The following CNTN5 variants were observed in gnomAD, a reference collection of about 807,000 sequenced individuals.
The protein encoded by CNTN5 is contactin 5.
CNTN5 carries 77 observed loss-of-function variants against 129.1 expected under a neutral mutation model. The ratio of observed to expected loss-of-function variants is 0.60; its 90% CI spans 0.50 to 0.72. The LOEUF is 0.72. CNTN5 is among the 30% of genes least tolerant of loss of function. The pLI, the probability that CNTN5 is intolerant of heterozygous loss-of-function variation, is 0.00. For missense variants in CNTN5, 1,478 were observed against 1,328.8 expected (o/e 1.11, Z -1.75); for synonymous variants, 509 against 465.6 (o/e 1.09, Z -1.20).
At chr11:100,112,285 T>G (rs1443346266) in intron 13 of CNTN5, among the ~76,000 whole-genome samples, 5 of 152,146 alleles carry the variant, frequency 3.3e-5, no homozygotes, top group African/African-American at 1.2e-4. Context: ...TGACCTTCAA[T>G]GAACATGTTG....
intron 13 of CNTN5, among the ~76,000 whole-genome samples, chr11:100,093,983 G>T (rs759610505): frequency 8.5e-5 from 13 of 152,052 alleles, no homozygotes; most frequent in Non-Finnish European, 1.3e-4. Context: ...AAATTATGCA[G>T]GTTATTCATA....
At position 99,163,346 on chromosome 11, in the gene CNTN5, T is replaced by G. The variant is rs560048568; in HGVS notation, c.-210+142076T>G. ...TCTAAGGCCTTAACAAAGCTACTCCTTTTGGTTGAATTAGATACTAGTAAA... is the reference window on the plus strand; with the variant it reads ...TCTAAGGCCTTAACAAAGCTACTCCGTTTGGTTGAATTAGATACTAGTAAA... On this transcript the variant is annotated intron_variant, in intron 1 of 24. Transcript: ENST00000524871. 4.8e-3 allele frequency among the ~76,000 whole-genome samples: 725 copies of G among 152,174 alleles called. 3 individuals carry two copies. Among genetic ancestry groups the G allele is most frequent in the Non-Finnish European group, 5.8e-3 (394 of 67,974 alleles).
At chr11:99,600,323 T>C (rs1399635036) in intron 3 of CNTN5, among the ~76,000 whole-genome samples, 1 of 152,208 alleles carries the variant, frequency 6.6e-6, no homozygotes, top group Non-Finnish European at 1.5e-5. Context: ...AAGACCAGCG[T>C]AGAAGGTTCA....
intron 16 of CNTN5, among the ~76,000 whole-genome samples, chr11:100,236,382 A>C (rs1206583635): frequency 1.3e-5 from 2 of 152,072 alleles, no homozygotes; most frequent in Non-Finnish European, 2.9e-5. Context: ...CTGGCCCCTC[A>C]TGAAGTTTCC....
At chr11:99,378,191 T>C (rs1243938711) in intron 2 of CNTN5, among the ~76,000 whole-genome samples, 3 of 152,142 alleles carry the variant, frequency 2.0e-5, no homozygotes, top group African/African-American at 7.2e-5. Flanking sequence ...GGACTCGTGG[T>C]CTTCTGAAAT....
At chr11:99,862,942 ATG>A (rs1948253549) in intron 6 of CNTN5, among the ~76,000 whole-genome samples, 1 of 152,082 alleles carries the variant, frequency 6.6e-6, no homozygotes, top group South Asian at 2.1e-4. Context: ...GTGTATATAT[ATG>A]TGTGTGTTTG....
chr11:99,549,572 A>G (rs80042795), intron 2 of CNTN5, among the ~76,000 whole-genome samples: 1 of 152,236 alleles, frequency 6.6e-6, no homozygotes, highest in East Asian at 1.9e-4. Flanking sequence ...TAAGTAGTTC[A>G]CTGAGGCATT....
intron 2 of CNTN5, among the ~76,000 whole-genome samples, chr11:99,349,791 T>C (rs891358538): frequency 6.6e-6 from 1 of 152,174 alleles, no homozygotes; most frequent in African/African-American, 2.4e-5. Flanking sequence ...GAAGGATGGA[T>C]AAGAATGTGA....
At chr11:99,509,740 A>C (rs1946763717) in intron 2 of CNTN5, among the ~76,000 whole-genome samples, 1 of 151,724 alleles carries the variant, frequency 6.6e-6, no homozygotes, top group Non-Finnish European at 1.5e-5. Flanking sequence ...TTTACTGAGA[A>C]AAAAAGAGAT....
At chr11:99,934,298 C>T (rs1950257963) in intron 7 of CNTN5, among the ~76,000 whole-genome samples, 1 of 152,068 alleles carries the variant, frequency 6.6e-6, no homozygotes, top group Non-Finnish European at 1.5e-5. Context: ...TTTTTCTTAA[C>T]CCAGAGTTCA....
intron 2 of CNTN5, among the ~76,000 whole-genome samples, chr11:99,539,960 A>G (rs1948041267): frequency 6.6e-6 from 1 of 152,048 alleles, no homozygotes; most frequent in African/African-American, 2.4e-5. Context: ...TTCTTTTGTG[A>G]AAGTGTTGAA....
chr11:99,561,032 C>T (rs1445136672), intron 3 of CNTN5, among the ~76,000 whole-genome samples: 1 of 152,170 alleles, frequency 6.6e-6, no homozygotes, highest in Non-Finnish European at 1.5e-5. Flanking sequence ...ATCAACATTT[C>T]GGTTTCTAAT....
chr11:99,381,735 C>T (rs1940573508), intron 2 of CNTN5, among the ~76,000 whole-genome samples: 1 of 152,126 alleles, frequency 6.6e-6, no homozygotes, highest in African/African-American at 2.4e-5. Context: ...ATTAATGAAT[C>T]TAACAATTTT....
intron 1 of CNTN5, among the ~76,000 whole-genome samples, chr11:99,115,284 C>T (rs981419946): frequency 6.6e-6 from 1 of 152,100 alleles, no homozygotes; most frequent in Non-Finnish European, 1.5e-5. Flanking sequence ...ATTTCCATTT[C>T]TTCATTTGTG....
intron 3 of CNTN5, among the ~76,000 whole-genome samples, chr11:99,795,496 G>T (rs987311634): frequency 1.1e-4 from 16 of 152,040 alleles, no homozygotes; most frequent in African/African-American, 3.9e-4. Flanking sequence ...GGAGAACTCT[G>T]CCTTAGTGAG....
At chr11:99,135,693 A>G (rs1179692359) in intron 1 of CNTN5, among the ~76,000 whole-genome samples, 1 of 152,188 alleles carries the variant, frequency 6.6e-6, no homozygotes, top group Admixed American at 6.5e-5. Context: ...GCTCAATGAA[A>G]GTAATTGCAT....
chr11:99,156,118 T>A (rs1449155575), intron 1 of CNTN5, among the ~76,000 whole-genome samples: 1 of 152,010 alleles, frequency 6.6e-6, no homozygotes, highest in Non-Finnish European at 1.5e-5. Context: ...ATAAAATGAA[T>A]CATTTCTTTA....
chr11:99,777,313 T>A, intron 3 of CNTN5, among the ~76,000 whole-genome samples: 1 of 151,876 alleles, frequency 6.6e-6, no homozygotes, highest in East Asian at 1.9e-4. Flanking sequence ...TTACAAATGT[T>A]GTGCATCTCA....
At chr11:99,560,829 A>G (rs1948819609) in intron 3 of CNTN5, among the ~76,000 whole-genome samples, 1 of 152,164 alleles carries the variant, frequency 6.6e-6, no homozygotes, top group Non-Finnish European at 1.5e-5. Context: ...TTGGTGTGGG[A>G]GATTACAATA....
Sources: gnomAD v4.1 joint callset for allele counts (sites outside exome capture counted in the v4.1 genomes callset) on GRCh38, gnomAD v4.1.1 for gene constraint, MANE v1.5 for transcripts, NCBI Gene and HGNC (gene_info 2026-07-23, HGNC 2026-07-21) for gene names.